The following LMO7 variants were observed in gnomAD, a reference collection of about 807,000 sequenced individuals.
LMO7 encodes the protein LIM domain only protein 7.
In LMO7, 120 loss-of-function variants were observed where a neutral mutation model predicts 206.5. The observed-to-expected ratio is 0.58, with a 90% CI of 0.50 to 0.68. LMO7 has a LOEUF of 0.68. Ranked by LOEUF, LMO7 falls within the 30% of genes least tolerant of loss-of-function variation. The pLI is 0.00. For missense variants in LMO7, 1,959 were observed against 1,957.9 expected (o/e 1.00, Z -0.01); for synonymous variants, 706 against 681.5 (o/e 1.04, Z -0.56).
At chr13:75,807,403 G>A in intron 9 of LMO7, 77 bp from the exon 10 acceptor site, 2 of 1,472,014 alleles carry the variant, frequency 1.4e-6, no homozygotes, top group South Asian at 2.7e-5. Context: ...AATCACCTTT[G>A]GCTAGTCGAT....
intron 3 of LMO7, among the ~76,000 whole-genome samples, chr13:75,758,707 C>G (rs1047197145): frequency 6.6e-6 from 1 of 151,964 alleles, no homozygotes; most frequent in Non-Finnish European, 1.5e-5. Flanking sequence ...TCAATCTGTA[C>G]CTATTTGTCA....
chr13:75,836,517 C>T (rs1040587721), intron 19 of LMO7, 60 bp downstream of exon 19: 12 of 865,316 alleles, frequency 1.4e-5, no homozygotes, highest in Middle Eastern at 4.4e-4. Context: ...CACTCAAGTT[C>T]TGCTGTTATA....
chr13:75,750,375 T>TC (rs2047176442), intron 3 of LMO7, among the ~76,000 whole-genome samples: 1 of 114,690 alleles, frequency 8.7e-6, no homozygotes, highest in East Asian at 2.8e-4. Context: ...ACCTGGGGGA[T>TC]CCTTTTTTTT....
chr13:75,831,742 C>T (rs1484991196), intron 15 of LMO7, among the ~76,000 whole-genome samples: 1 of 152,128 alleles, frequency 6.6e-6, no homozygotes, highest in African/African-American at 2.4e-5. Context: ...AGAACTTACT[C>T]CCATGAGACT....
intron 3 of LMO7, among the ~76,000 whole-genome samples, chr13:75,755,757 C>T (rs7324230): frequency 0.095 from 14,529 of 152,226 alleles, 946 homozygotes; most frequent in South Asian, 0.24. Context: ...AAAATGGTCC[C>T]AGTGATTCTC....
chr13:75,844,341 TATA>T (rs1442894059), intron 25 of LMO7, among the ~76,000 whole-genome samples: 2 of 151,072 alleles, frequency 1.3e-5, no homozygotes, highest in Non-Finnish European at 2.9e-5. Flanking sequence ...TGTACATAAG[TATA>T]ATATTACATA....
intron 1 of LMO7, among the ~76,000 whole-genome samples, chr13:75,662,774 T>G (rs1198605620): frequency 6.6e-6 from 1 of 152,240 alleles, no homozygotes; most frequent in East Asian, 1.9e-4. Flanking sequence ...TTTTTACAAT[T>G]ACCCTGTGAA....
intron 7 of LMO7, among the ~76,000 whole-genome samples, chr13:75,801,237 CAAAAA>C (rs200955354): frequency 4.4e-5 from 5 of 113,420 alleles, no homozygotes; most frequent in Admixed American, 8.7e-5. Context: ...TAAGATTCTG[CAAAAA>C]AAAAAAAAAA....
chr13:75,667,240 A>G (rs1394945873), intron 1 of LMO7, among the ~76,000 whole-genome samples: 1 of 152,092 alleles, frequency 6.6e-6, no homozygotes, highest in Non-Finnish European at 1.5e-5. Flanking sequence ...GATTTCCAAC[A>G]TACCATTTTC....
chr13:75,811,349 G>C (rs924461401), intron 11 of LMO7, among the ~76,000 whole-genome samples: 1 of 151,516 alleles, frequency 6.6e-6, no homozygotes, highest in Non-Finnish European at 1.5e-5. Flanking sequence ...CCTGCCTACC[G>C]GTGCTTTTCT....
chr13:75,854,475 G>A (rs1249356625), intron 28 of LMO7, among the ~76,000 whole-genome samples: 2 of 151,976 alleles, frequency 1.3e-5, no homozygotes, highest in African/African-American at 2.4e-5. Context: ...ACCCACTCTG[G>A]GAGAGCAGAG....
intron 1 of LMO7, among the ~76,000 whole-genome samples, chr13:75,649,161 C>T (rs989907283): frequency 1.3e-5 from 2 of 152,174 alleles, no homozygotes; most frequent in East Asian, 1.9e-4. Flanking sequence ...GTAAGAATTA[C>T]AAGACCTAAG....
chr13:75,856,680 A>G, intron 30 of LMO7, 72 bp downstream of exon 30: 1 of 859,790 alleles, frequency 1.2e-6, no homozygotes, highest in South Asian at 1.3e-5. Context: ...ATTTCCCTGA[A>G]CCTGCAGCGA....
chr13:75,841,857 T>C lies in LMO7; in HGVS notation c.3905T>C (p.Leu1302Pro). ...IERERKWEQQ[L>P]QEEQEQKRLQ... ...AGAGAGAGGAAATGGGAGCAACAGC[T>C]TCAGGAAGAGCAAGAGCAAAAGCGG... The change falls in exon 24 of 31, where the codon CTT (leucine) becomes CCT (proline). Residue 1302 changes from leucine to proline, a missense_variant. Physicochemically the swap from Leu to Pro is moderately conservative, Grantham distance 98. Coordinates refer to ENST00000377534, the MANE Select transcript of LMO7 (RefSeq NM_001306080.2). 6.2e-7 allele frequency: 1 copy of C among 1,614,072 alleles called. No homozygotes were observed. The highest frequency in any genetic ancestry group is 8.5e-7 in the Non-Finnish European group (1 of 1,180,012).
chr13:75,757,215 G>A (rs553751459), intron 3 of LMO7, among the ~76,000 whole-genome samples: 1 of 152,282 alleles, frequency 6.6e-6, no homozygotes, highest in East Asian at 1.9e-4. Context: ...AGCCACATGA[G>A]TGAGCCGCCT....
chr13:75,841,978 C>T lies in LMO7; in HGVS notation c.4026C>T (p.Tyr1342=), dbSNP rs2059584358. Residue 1342 remains tyrosine (Y), a synonymous_variant, in exon 24 of 31, where the codon TAC becomes TAT. Transcript: ENST00000377534. The part of the protein sequence containing the change: ...ERETSVRIYQ[Y]RRPVDSYDIP... The stretch of plus-strand genomic sequence containing the variant: ...AAACATCAGTCAGAATATACCAGTA[C>T]AGGAGGTATGTCCCCACAGCCAGAG... 3 of 1,607,284 alleles carry T rather than the reference C, an allele frequency of 1.9e-6. No individual in the cohort carries two copies. Among genetic ancestry groups the T allele is most frequent in the East Asian group, 2.2e-5 (1 of 44,798 alleles).
At chr13:75,810,704 G>T (rs979965400) in intron 11 of LMO7, among the ~76,000 whole-genome samples, 5 of 152,210 alleles carry the variant, frequency 3.3e-5, no homozygotes, top group African/African-American at 1.2e-4. Flanking sequence ...GCAGCTCTCA[G>T]AAATAGTTGC....
At chr13:75,732,427 G>A (rs1381118094) in intron 3 of LMO7, among the ~76,000 whole-genome samples, 2 of 152,146 alleles carry the variant, frequency 1.3e-5, no homozygotes, top group Non-Finnish European at 2.9e-5. Flanking sequence ...CAGCTCCTGA[G>A]GCTTCTGCGT....
Position 75,679,971 on chromosome 13 carries a change from C to T in LMO7, c.70-33211C>T, listed in dbSNP as rs563133738. Among the ~76,000 whole-genome samples, 16 of 152,160 alleles carry T rather than the reference C, an allele frequency of 1.1e-4. No homozygotes were observed. In the East Asian group the frequency reaches 1.9e-3, roughly 18 times the overall value. ...TGTGCAGGTTTGTTACATAGGTAAA[C>T]GTGTGCCATGGTAGTTTGCTGCACC... is the stretch of plus-strand genomic sequence containing the variant. On this transcript the variant is annotated intron_variant, in intron 1 of 30. Coordinates refer to ENST00000377534, the MANE Select transcript of LMO7 (RefSeq NM_001306080.2).
Sources: allele counts gnomAD v4.1 joint callset (sites outside exome capture counted in the v4.1 genomes callset), GRCh38; gene constraint gnomAD v4.1.1; transcripts MANE v1.5; gene names NCBI Gene and HGNC (gene_info 2026-07-23, HGNC 2026-07-21).